Variants in PPM1B observed in about 807,000 individuals in gnomAD.
The protein encoded by PPM1B is protein phosphatase 1B.
A neutral mutation model predicts 43.0 loss-of-function variants in PPM1B; 22 were observed. That is an observed-to-expected ratio of 0.51 (90% CI 0.37 to 0.73). The LOEUF (loss-of-function observed/expected upper bound fraction) is 0.73, where lower values mean the gene tolerates loss of function less well. PPM1B is among the 30% of genes least tolerant of loss of function. The pLI, the probability that PPM1B is intolerant of heterozygous loss-of-function variation, is 0.00. For synonymous variants in PPM1B, 217 were observed against 197.9 expected (o/e 1.10, Z -0.81); for missense variants, 632 against 584.2 (o/e 1.08, Z -0.84).
chr2:44,226,042 C>G (rs1445738539), intron 5 of PPM1B, among the ~76,000 whole-genome samples: 12 of 149,782 alleles, frequency 8.0e-5, no homozygotes, highest in Non-Finnish European at 1.8e-4. Context: ...GTGGTGCCAT[C>G]TCAGCTCACT....
intron 1 of PPM1B, among the ~76,000 whole-genome samples, chr2:44,187,407 C>G (rs1668175266): frequency 6.6e-6 from 1 of 152,100 alleles, no homozygotes; most frequent in Admixed American, 6.5e-5. Context: ...CTTTGAGATC[C>G]CACTGTCATT....
At position 44,188,391 on chromosome 2, in the gene PPM1B, TTC is replaced by T. The variant is rs199654862; in HGVS notation, c.-14-12793_-14-12792del. On this transcript the variant is annotated intron_variant, in intron 1 of 5. Transcript: ENST00000282412. ...AGTGCTGCTGAGTTTCTTTCTTTCTTTCTTTTTTTTTTTTTTTTTTTTGAGAC... is the reference window on the plus strand; with the variant it reads ...AGTGCTGCTGAGTTTCTTTCTTTCTTTTTTTTTTTTTTTTTTTTTTGAGAC... Among the ~76,000 whole-genome samples, 149 of 125,220 alleles carry T rather than the reference TTC, an allele frequency of 1.2e-3. 1 individual carries two copies. Among genetic ancestry groups the T allele is most frequent in the African/African-American group, 4.6e-3 (141 of 30,712 alleles). The allele number at this position is 125,220 out of a possible 152,430, so 82.1% of individuals were successfully genotyped here.
Position 44,205,354 on chromosome 2 carries a change from G to GGT in PPM1B, c.846+3334_846+3335dup, listed in dbSNP as rs3074507. 4.0e-3 allele frequency among the ~76,000 whole-genome samples: 369 copies of GGT among 91,824 alleles called. 2 individuals are homozygous for GGT. The highest frequency in any genetic ancestry group is 9.5e-3 in the African/African-American group (277 of 29,258). The allele number at this position is 91,824 out of a possible 152,430, so 60.2% of individuals were successfully genotyped here. On this transcript the variant is annotated intron_variant, in intron 2 of 5. Coordinates refer to ENST00000282412, the MANE Select transcript of PPM1B (RefSeq NM_002706.6). ...AAGAGTGGGTGTGGGTGTGGGTGTG[G>GGT]GTGTGTGTGTGTGTGTGTGTGTGTG...
intron 2 of PPM1B, among the ~76,000 whole-genome samples, chr2:44,206,395 T>G (rs148396724): frequency 1.3e-5 from 2 of 152,268 alleles, no homozygotes; most frequent in Non-Finnish European, 2.9e-5. Flanking sequence ...CATCTTTACA[T>G]AGAAATAGAA....
At chr2:44,192,104 T>A (rs901701436) in intron 1 of PPM1B, among the ~76,000 whole-genome samples, 3 of 152,050 alleles carry the variant, frequency 2.0e-5, no homozygotes, top group Non-Finnish European at 2.9e-5. Context: ...TGATTTTTTT[T>A]TTTTCAGTTT....
chr2:44,222,329 C>A (rs938867056), intron 5 of PPM1B, among the ~76,000 whole-genome samples: 3 of 151,974 alleles, frequency 2.0e-5, no homozygotes, highest in African/African-American at 7.2e-5. Context: ...TTAAGGCTGT[C>A]CTTAAGTCAT....
intron 5 of PPM1B, among the ~76,000 whole-genome samples, chr2:44,223,541 G>C (rs999778247): frequency 1.2e-4 from 19 of 152,068 alleles, no homozygotes; most frequent in African/African-American, 9.7e-5. Flanking sequence ...CGGGCGCGGT[G>C]GCTCATGCCT....
chr2:44,227,174 C>G (rs572207610), intron 5 of PPM1B, among the ~76,000 whole-genome samples: 3 of 151,686 alleles, frequency 2.0e-5, no homozygotes, highest in African/African-American at 4.8e-5. Flanking sequence ...GGGGTCTCCC[C>G]GTGTTGCTCA....
chr2:44,177,029 C>T (rs1231654231), intron 1 of PPM1B, among the ~76,000 whole-genome samples: 1 of 152,222 alleles, frequency 6.6e-6, no homozygotes, highest in Non-Finnish European at 1.5e-5. Flanking sequence ...ATCTGCCCGC[C>T]TCAGCCTTCC....
At chr2:44,233,897 T>C (rs529571742), downstream of PPM1B, 110 of 985,380 alleles carry the variant, frequency 1.1e-4, no homozygotes, top group Admixed American at 2.5e-4. Context: ...TTTGGGGGGT[T>C]GTTAAAAGAT....
In PPM1B at chr2:44,217,292, G is replaced by A. The variant is rs559114686; in HGVS notation, c.965-675G>A. 1.8e-4 allele frequency among the ~76,000 whole-genome samples: 27 copies of A among 151,718 alleles called. 1 individual carries two copies. In the South Asian group the frequency reaches 4.8e-3, roughly 27 times the overall value. ...CACATGCCTGTAATCCCAGCTACTC[G>A]GGAGGCTGAGGCAGGAGAATTGCTT... On this transcript the variant is annotated intron_variant, in intron 3 of 5. Coordinates refer to ENST00000282412, the MANE Select transcript of PPM1B (RefSeq NM_002706.6).
intron 5 of PPM1B, among the ~76,000 whole-genome samples, chr2:44,240,837 G>GT (rs1670728653): frequency 6.9e-6 from 1 of 145,700 alleles, no homozygotes; most frequent in Non-Finnish European, 1.5e-5. Context: ...CAGCAGCCAG[G>GT]TGCTGTTGGC....
At chr2:44,192,188 A>G (rs1668435641) in intron 1 of PPM1B, among the ~76,000 whole-genome samples, 1 of 142,042 alleles carries the variant, frequency 7.0e-6, no homozygotes, top group Non-Finnish European at 1.5e-5. Flanking sequence ...ATGTTATGTT[A>G]TGGTATTGTA....
chr2:44,235,624 A>AAG (rs1670587885), downstream of PPM1B, among the ~76,000 whole-genome samples: 1 of 136,492 alleles, frequency 7.3e-6, no homozygotes, highest in African/African-American at 2.7e-5. Flanking sequence ...AAAAAAAAAA[A>AAG]GACTGCTTAG....
At chr2:44,233,084 C>G (rs918603823), downstream of PPM1B, 4 of 981,542 alleles carry the variant, frequency 4.1e-6, no homozygotes, top group Non-Finnish European at 4.8e-6. Context: ...TGACATCTCA[C>G]TGTTGGAAAT....
chr2:44,195,306 T>C (rs1320769770), intron 1 of PPM1B, among the ~76,000 whole-genome samples: 2 of 151,902 alleles, frequency 1.3e-5, no homozygotes, highest in Non-Finnish European at 2.9e-5. Flanking sequence ...TGGGCTCAAG[T>C]GATCCTCCTG....
intron 3 of PPM1B, among the ~76,000 whole-genome samples, chr2:44,212,309 A>G (rs193141940): frequency 6.6e-6 from 1 of 152,124 alleles, no homozygotes; most frequent in Non-Finnish European, 1.5e-5. Context: ...CCTGTCCTCT[A>G]CTGTCAACCC....
chr2:44,224,632 T>C (rs1285344889), intron 5 of PPM1B, among the ~76,000 whole-genome samples: 1 of 152,052 alleles, frequency 6.6e-6, no homozygotes, highest in Non-Finnish European at 1.5e-5. Context: ...TTATTTGGTG[T>C]AAGTTAGTAT....
intron 2 of PPM1B, among the ~76,000 whole-genome samples, chr2:44,202,430 A>G (rs1668984034): frequency 6.6e-6 from 1 of 152,226 alleles, no homozygotes; most frequent in Non-Finnish European, 1.5e-5. Context: ...ATCAAGAGCC[A>G]TGTGAAATAT....
Sources: gnomAD v4.1 joint callset for allele counts (sites outside exome capture counted in the v4.1 genomes callset) on GRCh38, gnomAD v4.1.1 for gene constraint, MANE v1.5 for transcripts, NCBI Gene and HGNC (gene_info 2026-07-23, HGNC 2026-07-21) for gene names.